The following CNST variants were observed in gnomAD, a reference collection of about 807,000 sequenced individuals.
CNST encodes the protein consortin.
A neutral mutation model predicts 72.4 loss-of-function variants in CNST; 39 were observed. The ratio of observed to expected loss-of-function variants is 0.54; its 90% confidence interval spans 0.42 to 0.70. The LOEUF is 0.70. Among genes scored for constraint, CNST ranks in the 30% least tolerant of loss-of-function variants. The pLI is 0.00. For missense variants in CNST, 871 were observed against 868.5 expected, an observed-to-expected ratio of 1.00 and a Z score of -0.04; for synonymous variants, 332 against 320.1, an observed-to-expected ratio of 1.04 and a Z score of -0.40.
At chr1:246,616,107 T>A (rs1663672286) in intron 2 of CNST, among the ~76,000 whole-genome samples, 1 of 152,228 alleles carries the variant, frequency 6.6e-6, no homozygotes, top group Non-Finnish European at 1.5e-5. Flanking sequence ...AACTTTTTGT[T>A]CTTGTCTAGC....
At chr1:246,649,147 C>T (rs1219320942) in intron 9 of CNST, among the ~76,000 whole-genome samples, 1 of 143,092 alleles carries the variant, frequency 7.0e-6, no homozygotes, top group African/African-American at 2.6e-5. Flanking sequence ...TAATTCTCTA[C>T]AGACTGTTGT....
chr1:246,645,491 A>G (rs984943856), intron 8 of CNST, among the ~76,000 whole-genome samples: 13 of 141,334 alleles, frequency 9.2e-5, no homozygotes, highest in African/African-American at 2.2e-4. Flanking sequence ...GCAGTGGCGC[A>G]ATCTCGGCTC....
rs924512425 is a variant in CNST, at chr1:246,614,150, G to A, written c.380-7279G>A. ...GTTTTTTTTTGATTATGGAATATTC[G>A]CATATATATAGTGAGATATCTTGAG... On this transcript the variant is annotated intron_variant, in intron 2 of 10. Transcript: ENST00000366513. 7.9e-5 allele frequency among the ~76,000 whole-genome samples: 12 copies of A among 151,960 alleles called. No homozygotes were observed. The South Asian group carries it at 2.3e-3, about 29-fold the overall frequency.
In CNST at chr1:246,592,893, GC is replaced by G. The variant is rs942792087; in HGVS notation, c.379+957del. Reference sequence around the variant, plus strand: ...TGGAATTTTTGGCCTGAATCACAGGGCCCCCTTGGGAAAAGGCAGCCTCTGG... The same window carrying G: ...TGGAATTTTTGGCCTGAATCACAGGGCCCCTTGGGAAAAGGCAGCCTCTGG... On this transcript the variant is annotated intron_variant, in intron 2 of 10. Transcript: ENST00000366513. 8.5e-5 allele frequency among the ~76,000 whole-genome samples: 13 copies of G among 152,282 alleles called. 1 individual carries two copies. Among genetic ancestry groups the G allele is most frequent in the African/African-American group, 3.1e-4 (13 of 41,556 alleles).
intron 8 of CNST, among the ~76,000 whole-genome samples, chr1:246,643,187 C>T (rs148895045): frequency 6.4e-4 from 97 of 152,158 alleles, no homozygotes; most frequent in African/African-American, 2.2e-3. Context: ...CCACCATGCC[C>T]GGCCAGCCTT....
rs994239180 is a variant in CNST, at chr1:246,566,492, C to G, written c.-223C>G. The G allele has an allele frequency of 1.1e-5, 5 of 440,704 alleles. No individual in the cohort carries two copies. Among genetic ancestry groups the G allele is most frequent in the African/African-American group, 6.0e-5 (3 of 50,382 alleles). The allele number at this position is 440,704 out of a possible 1,614,324, so 27.3% of individuals were successfully genotyped here. On this transcript the variant is annotated 5_prime_UTR_variant, in exon 1 of 11. Coordinates refer to ENST00000366513, the MANE Select transcript of CNST (RefSeq NM_152609.3). Reference sequence around the variant, plus strand: ...CCGCCAGCCTCCAGCCGGCCAGCCGCGAGGGGTGCGCAGAGGGAGGCGGGG... The same window carrying G: ...CCGCCAGCCTCCAGCCGGCCAGCCGGGAGGGGTGCGCAGAGGGAGGCGGGG...
At chr1:246,635,136 A>G (rs891006086) in intron 6 of CNST, among the ~76,000 whole-genome samples, 1 of 152,152 alleles carries the variant, frequency 6.6e-6, no homozygotes, top group Non-Finnish European at 1.5e-5. Flanking sequence ...ATTTGGTTAT[A>G]GAAAAAGGGA....
chr1:246,575,853 A>C lies in CNST; in HGVS notation c.-52+9190A>C, dbSNP rs139708303. On this transcript the variant is annotated intron_variant, in intron 1 of 10. Transcript: ENST00000366513. ...TAATTAGCATTTTTAAAAATTCCCT[A>C]TTTTTATTTCAATGATAAAAAATAA... Among the ~76,000 whole-genome samples, 1,196 of 152,314 alleles carry C rather than the reference A, an allele frequency of 7.9e-3. 15 individuals are homozygous for C. Among genetic ancestry groups the C allele is most frequent in the African/African-American group, 0.027 (1,137 of 41,570 alleles).
intron 2 of CNST, 73 bp downstream of exon 2, chr1:246,592,014 T>C: frequency 8.3e-7 from 1 of 1,210,452 alleles, no homozygotes; most frequent in Non-Finnish European, 1.1e-6. Flanking sequence ...CCATACTGTG[T>C]TTACTGTCCT....
At chr1:246,654,182 TG>T (rs1172238957) in intron 9 of CNST, among the ~76,000 whole-genome samples, 2 of 152,202 alleles carry the variant, frequency 1.3e-5, no homozygotes, top group Non-Finnish European at 2.9e-5. Context: ...TCTTCTGTCC[TG>T]GGGTCTCAGA....
chr1:246,575,740 G>A (rs574200992), intron 1 of CNST, among the ~76,000 whole-genome samples: 8 of 152,122 alleles, frequency 5.3e-5, no homozygotes, highest in African/African-American at 1.7e-4. Flanking sequence ...ATTATATGTC[G>A]ATAAAGGTGT....
intron 6 of CNST, among the ~76,000 whole-genome samples, chr1:246,640,801 TC>T (rs1279155969): frequency 1.3e-5 from 2 of 151,804 alleles, no homozygotes; most frequent in Admixed American, 6.6e-5. Context: ...TTTGGATAAC[TC>T]CCCCCATATC....
intron 1 of CNST, among the ~76,000 whole-genome samples, chr1:246,575,968 G>T (rs376117186): frequency 1.3e-5 from 2 of 149,308 alleles, no homozygotes; most frequent in African/African-American, 4.9e-5. Context: ...GCTCGCGCCT[G>T]TAACGCCTGT....
At chr1:246,610,316 T>A (rs570587760) in intron 2 of CNST, among the ~76,000 whole-genome samples, 2 of 152,240 alleles carry the variant, frequency 1.3e-5, no homozygotes, top group Admixed American at 1.3e-4. Flanking sequence ...CTCCCCATTC[T>A]TTTTTATATT....
At chr1:246,658,546 T>A (rs1000691072) in intron 9 of CNST, among the ~76,000 whole-genome samples, 1 of 152,238 alleles carries the variant, frequency 6.6e-6, no homozygotes, top group Non-Finnish European at 1.5e-5. Context: ...TTGGTCTATT[T>A]GGCCCTAAAA....
Position 246,647,320 on chromosome 1 carries a change from C to G in CNST, c.1119C>G (p.Leu373=). The G allele has an allele frequency of 4.3e-6, 7 of 1,614,094 alleles. No homozygotes were observed. Among genetic ancestry groups the G allele is most frequent in the South Asian group, 1.1e-5 (1 of 91,074 alleles). ...LLCSAEATLA[L]HTQSSETAGS... Reference sequence around the variant, plus strand: ...GCAGCGCTGAAGCCACGTTAGCGCTCCACACCCAGTCCTCCGAGACAGCAG... The same window carrying G: ...GCAGCGCTGAAGCCACGTTAGCGCTGCACACCCAGTCCTCCGAGACAGCAG... The change falls in exon 9 of 11, where the codon CTC becomes CTG. Residue 373 remains leucine, a synonymous_variant. Coordinates refer to ENST00000366513, the MANE Select transcript of CNST (RefSeq NM_152609.3).
At chr1:246,641,309 T>C (rs2103119240) in intron 6 of CNST, among the ~76,000 whole-genome samples, 1 of 152,366 alleles carries the variant, frequency 6.6e-6, no homozygotes, top group African/African-American at 2.4e-5. Flanking sequence ...CATTCTGTTA[T>C]CTTGGGTATT....
rs527863228 is a variant in CNST, at chr1:246,636,448, C to T, written c.818+1861C>T. Among the ~76,000 whole-genome samples, 39 of 152,242 alleles carry T rather than the reference C, an allele frequency of 2.6e-4. No individual in the cohort carries two copies. In the East Asian group the frequency reaches 6.9e-3, roughly 27 times the overall value. On this transcript the variant is annotated intron_variant, in intron 6 of 10. Coordinates refer to ENST00000366513, the MANE Select transcript of CNST (RefSeq NM_152609.3). ...CCTGCGGGCTCCCCCGCATACCCAGCAATTGGACACATTCGTGGTAAGCGC... is the reference window on the plus strand; with the variant it reads ...CCTGCGGGCTCCCCCGCATACCCAGTAATTGGACACATTCGTGGTAAGCGC...
chr1:246,627,936 G>A (rs2103089836), intron 3 of CNST, among the ~76,000 whole-genome samples: 1 of 147,594 alleles, frequency 6.8e-6, no homozygotes, highest in South Asian at 2.1e-4. Flanking sequence ...ATATAAAGGG[G>A]AGTTTATTAA....
Sources: allele counts gnomAD v4.1 joint callset (sites outside exome capture counted in the v4.1 genomes callset), GRCh38; gene constraint gnomAD v4.1.1; transcripts MANE v1.5; gene names NCBI Gene and HGNC (gene_info 2026-07-23, HGNC 2026-07-21).